Variants in SYNJ1 observed in about 807,000 individuals in gnomAD.
The protein encoded by SYNJ1 is synaptojanin 1, also known as polyphosphatidylinositol phosphatase SYNJ1.
SYNJ1 carries 78 observed loss-of-function variants against 168.2 expected under a neutral mutation model. The observed-to-expected ratio is 0.46, with a 90% CI of 0.39 to 0.56. The LOEUF (loss-of-function observed/expected upper bound fraction) is 0.56, where lower values mean the gene tolerates loss of function less well. SYNJ1 is among the 20% of genes least tolerant of loss of function. The probability of loss-of-function intolerance (pLI) is 0.00; values close to 1 mark genes in which losing one functional copy is unlikely to be tolerated. For missense variants in SYNJ1, 1,303 were observed against 1,597.6 expected (o/e 0.82, Z 3.14); for synonymous variants, 539 against 548.6 (o/e 0.98, Z 0.24).
chr21:32,692,923 T>C (rs2042077252), intron 6 of SYNJ1, among the ~76,000 whole-genome samples: 1 of 151,928 alleles, frequency 6.6e-6, no homozygotes, highest in South Asian at 2.1e-4. Flanking sequence ...CCCAGCTACC[T>C]GGCAGGCTGA....
At chr21:32,685,400 A>G (rs977590081) in intron 9 of SYNJ1, among the ~76,000 whole-genome samples, 1 of 147,630 alleles carries the variant, frequency 6.8e-6, no homozygotes, top group African/African-American at 2.5e-5. Flanking sequence ...CAGCCAGGGC[A>G]ATACAGGGAG....
chr21:32,638,761 T>C (rs919706598), intron 31 of SYNJ1, 147 bp downstream of exon 31: 11 of 588,894 alleles, frequency 1.9e-5, no homozygotes, highest in Non-Finnish European at 2.7e-5. Context: ...TATATACACA[T>C]ATATATGTAT....
chr21:32,718,880 A>T (rs2043116431), intron 2 of SYNJ1, among the ~76,000 whole-genome samples: 1 of 152,190 alleles, frequency 6.6e-6, no homozygotes, highest in Non-Finnish European at 1.5e-5. Context: ...AAATGCTACC[A>T]ATTACACTCT....
At chr21:32,634,724 TG>T in intron 32 of SYNJ1, 136 bp downstream of exon 32, 1 of 817,824 alleles carries the variant, frequency 1.2e-6, no homozygotes, top group Non-Finnish European at 1.8e-6. Context: ...GCAGGTTTTA[TG>T]GTATGATAGA....
chr21:32,638,014 C>T lies in SYNJ1; in HGVS notation c.3915+894G>A, dbSNP rs1461758300. 3.9e-5 allele frequency among the ~76,000 whole-genome samples: 6 copies of T among 152,082 alleles called. No individual in the cohort carries two copies. The East Asian group carries it at 1.2e-3, about 29-fold the overall frequency. ...ATGTGTTAAAGGGACATTGCCAATA[C>T]GTATTATTTCTGTATTTCAGATCTT... On this transcript the variant is annotated intron_variant, in intron 31 of 32. Coordinates refer to ENST00000674351, the MANE Select transcript of SYNJ1 (RefSeq NM_203446.3).
chr21:32,646,402 T>C lies in SYNJ1; in HGVS notation c.3238A>G (p.Ser1080Gly). The change falls in exon 24 of 33, where the codon AGT becomes GGT. Residue 1080 changes from serine to glycine, a missense_variant. Ser to Gly is a moderately conservative substitution (Grantham distance 56, BLOSUM62 0). Transcript: ENST00000674351. ...RAPSRTPGPP[S>G]AQSSPIDAQP... ...CAAATAAAATGCATACTCTGTGCAC[T>C]GGGAGGCCCAGGAGTTCTTGACGGT... 1 of 1,614,122 alleles carries C rather than the reference T, an allele frequency of 6.2e-7. No homozygotes were observed. Among genetic ancestry groups the C allele is most frequent in the South Asian group, 1.1e-5 (1 of 91,080 alleles).
rs148843802 is a variant in SYNJ1 at position 32,715,334 on chromosome 21, C to A, written c.124+11438G>T. Among the ~76,000 whole-genome samples, 7 of 152,102 alleles carry A rather than the reference C, an allele frequency of 4.6e-5. No homozygotes were observed. In the East Asian group the frequency reaches 1.4e-3, roughly 29 times the overall value. ...TAAAGAGATACAAAAATCAGCTGGGCATGGTGGTGCACACCCATAATTTCA... is the reference window on the plus strand; with the variant it reads ...TAAAGAGATACAAAAATCAGCTGGGAATGGTGGTGCACACCCATAATTTCA... On this transcript the variant is annotated intron_variant, in intron 2 of 32. Coordinates refer to ENST00000674351, the MANE Select transcript of SYNJ1 (RefSeq NM_203446.3).
intron 8 of SYNJ1, among the ~76,000 whole-genome samples, chr21:32,686,481 T>A (rs2041841954): frequency 6.6e-6 from 1 of 152,214 alleles, no homozygotes; most frequent in Non-Finnish European, 1.5e-5. Context: ...TTAAAATATT[T>A]TTTCTTTAGA....
At chr21:32,670,743 GACTGAGAAACT>G (rs2041153447) in intron 14 of SYNJ1, 16 of 938,508 alleles carry the variant, frequency 1.7e-5, no homozygotes, top group Non-Finnish European at 1.9e-5. Flanking sequence ...AGAATAAAGT[GACTGAGAAACT>G]ACCTCAAATT....
At chr21:32,716,722 A>G (rs1174778574) in intron 2 of SYNJ1, among the ~76,000 whole-genome samples, 1 of 152,114 alleles carries the variant, frequency 6.6e-6, no homozygotes, top group Non-Finnish European at 1.5e-5. Context: ...TTATTTCTTC[A>G]AGTGTTTTTC....
At chr21:32,693,619 C>A (rs1459782526) in intron 6 of SYNJ1, among the ~76,000 whole-genome samples, 1 of 152,098 alleles carries the variant, frequency 6.6e-6, no homozygotes, top group Admixed American at 6.5e-5. Flanking sequence ...ACTTCAAGGA[C>A]TAATAAATTT....
At chr21:32,657,209 A>G in intron 19 of SYNJ1, 89 bp from the exon 20 acceptor site, 1 of 871,422 alleles carries the variant, frequency 1.1e-6, no homozygotes, top group Non-Finnish European at 1.8e-6. Context: ...TCCTTTCATG[A>G]GCTTCAGTGG....
chr21:32,631,571 C>T lies in SYNJ1; in HGVS notation c.*234G>A, dbSNP rs777299829. 1.5e-5 allele frequency: 24 copies of T among 1,613,928 alleles called. No homozygotes were observed. Among genetic ancestry groups the T allele is most frequent in the South Asian group, 2.2e-5 (2 of 91,076 alleles). Reference sequence around the variant, plus strand: ...TTCGCATATTTTCCTGGGATTGACTCCGAGCTGGAATTGGAGGCATTGTTG... The same window carrying T: ...TTCGCATATTTTCCTGGGATTGACTTCGAGCTGGAATTGGAGGCATTGTTG... On this transcript the variant is annotated 3_prime_UTR_variant, in exon 33 of 33. Coordinates refer to ENST00000674351, the MANE Select transcript of SYNJ1 (RefSeq NM_203446.3).
At position 32,650,165 on chromosome 21, in the gene SYNJ1, A is replaced by C. The variant is rs985682649; in HGVS notation, c.3037+19T>G. The C allele has an allele frequency of 6.3e-7, 1 of 1,585,266 alleles. No individual in the cohort carries two copies. Among genetic ancestry groups the C allele is most frequent in the East Asian group, 2.2e-5 (1 of 44,450 alleles). The stretch of plus-strand genomic sequence containing the variant: ...ACATATCTAGAACTACAAGAAGTAA[A>C]TGTGTTTAAGAAACAAACCTTCCAT... On this transcript the variant is annotated intron_variant, in intron 23 of 32. Coordinates refer to ENST00000674351, the MANE Select transcript of SYNJ1 (RefSeq NM_203446.3).
Position 32,673,270 on chromosome 21 carries a change from A to G in SYNJ1, c.1726+70T>C, listed in dbSNP as rs931307997. On this transcript the variant is annotated intron_variant, in intron 14 of 32. Coordinates refer to ENST00000674351, the MANE Select transcript of SYNJ1 (RefSeq NM_203446.3). ...CAATTAATGCATCCTCTGAAGTGCT[A>G]TATTTGTTTTCTAGATCAATACAAC... 36 of 1,377,784 alleles carry G rather than the reference A, an allele frequency of 2.6e-5. No homozygotes were observed. The East Asian group carries it at 3.7e-4, about 14-fold the overall frequency. 85.3% of individuals were successfully genotyped at this position (1,377,784 alleles called of 1,614,324 possible).
intron 14 of SYNJ1, 45 bp from the exon 15 acceptor site, chr21:32,670,417 C>A: frequency 7.0e-7 from 1 of 1,433,148 alleles, no homozygotes; most frequent in Non-Finnish European, 9.8e-7. Flanking sequence ...TAGCCTCAGG[C>A]AAATAGCAAC....
intron 23 of SYNJ1, among the ~76,000 whole-genome samples, chr21:32,648,039 C>A (rs1479628938): frequency 6.6e-6 from 1 of 152,178 alleles, no homozygotes; most frequent in African/African-American, 2.4e-5. Flanking sequence ...AACAGCCTGC[C>A]CCCAAGCTGG....
rs778394516 is a variant in SYNJ1 at position 32,656,686 on chromosome 21, CCTTAT to C, written c.2791_2795del (p.Arg932CysfsTer4). Reference sequence around the variant, plus strand: ...CTACTTTTGCATAATAAACATCTTACCTTATAAGTATAACTTCACCAAAACTTGCA... The same window carrying C: ...CTACTTTTGCATAATAAACATCTTACAAGTATAACTTCACCAAAACTTGCA... On this transcript the variant is annotated frameshift_variant and splice_region_variant, in exon 21 of 33. Transcript: ENST00000674351. LOFTEE classifies it high-confidence loss of function. 5 of 1,610,262 alleles carry C rather than the reference CCTTAT, an allele frequency of 3.1e-6. No homozygotes were observed. Among genetic ancestry groups the C allele is most frequent in the Admixed American group, 3.4e-5 (2 of 59,614 alleles).
intron 23 of SYNJ1, among the ~76,000 whole-genome samples, chr21:32,648,280 C>T (rs995538307): frequency 1.3e-5 from 2 of 152,136 alleles, no homozygotes; most frequent in Non-Finnish European, 2.9e-5. Context: ...TCTTCTCTTT[C>T]CCCCCAAACT....
Sources: gnomAD v4.1 joint callset for allele counts (sites outside exome capture counted in the v4.1 genomes callset) on GRCh38, gnomAD v4.1.1 for gene constraint, MANE v1.5 for transcripts, NCBI Gene and HGNC (gene_info 2026-07-23, HGNC 2026-07-21) for gene names.